The following ORC4 variants were observed in gnomAD, a reference collection of about 807,000 sequenced individuals.
ORC4 encodes the protein origin recognition complex, subunit 4 homolog.
A neutral mutation model predicts 63.9 loss-of-function variants in ORC4; 55 were observed. That is an observed-to-expected ratio of 0.86 (90% CI 0.69 to 1.08). The LOEUF (loss-of-function observed/expected upper bound fraction) is 1.08. Among genes scored for constraint, ORC4 ranks in the 50% least tolerant of loss-of-function variants. The pLI, the probability that ORC4 is intolerant of heterozygous loss-of-function variation, is 0.00. For synonymous variants in ORC4, 150 were observed against 168.5 expected (o/e 0.89, Z 0.85); for missense variants, 511 against 504.4 (o/e 1.01, Z -0.13).
chr2:148,021,159 CT>C, upstream of ORC4: 1 of 157,960 alleles, frequency 6.3e-6, no homozygotes, highest in Non-Finnish European at 1.4e-5. Context: ...GGGGGGGCAC[CT>C]TTTATTTCTA....
At chr2:147,990,783 C>CT (rs1691534121) in intron 1 of ORC4, among the ~76,000 whole-genome samples, 1 of 152,098 alleles carries the variant, frequency 6.6e-6, no homozygotes, top group South Asian at 2.1e-4. Flanking sequence ...GTTTGATAAC[C>CT]TTTAGTTAAG....
In ORC4 at chr2:147,988,611, G is replaced by C. The variant is rs549264431; in HGVS notation, c.-17-12636C>G. 7.6e-4 allele frequency among the ~76,000 whole-genome samples: 115 copies of C among 151,918 alleles called. 1 individual carries two copies. Among genetic ancestry groups the C allele is most frequent in the Non-Finnish European group, 1.3e-3 (85 of 67,914 alleles). Reference sequence around the variant, plus strand: ...TGACCTCAAGTGATCCACCCACCTTGGCCTCAGTTGGGATTACAGGCCTGA... The same window carrying C: ...TGACCTCAAGTGATCCACCCACCTTCGCCTCAGTTGGGATTACAGGCCTGA... On this transcript the variant is annotated intron_variant, in intron 1 of 13. Coordinates refer to ENST00000392857, the MANE Select transcript of ORC4 (RefSeq NM_181741.4).
intron 10 of ORC4, among the ~76,000 whole-genome samples, chr2:147,942,447 T>TCAA (rs1688416682): frequency 6.6e-6 from 1 of 152,016 alleles, no homozygotes; most frequent in Admixed American, 6.6e-5. Context: ...TAAGGCTGGT[T>TCAA]CAACACTCAA....
intron 1 of ORC4, among the ~76,000 whole-genome samples, chr2:147,980,941 T>C (rs1426086565): frequency 6.6e-6 from 1 of 152,202 alleles, no homozygotes; most frequent in Non-Finnish European, 1.5e-5. Context: ...CCAGCATTAT[T>C]CACAGCCAAA....
At chr2:147,977,436 G>A (rs1690626789) in intron 1 of ORC4, among the ~76,000 whole-genome samples, 1 of 152,136 alleles carries the variant, frequency 6.6e-6, no homozygotes, top group Admixed American at 6.5e-5. Flanking sequence ...GATGAAATAG[G>A]AGGCCCTTCA....
chr2:147,975,775 T>C, intron 2 of ORC4, 127 bp downstream of exon 2: 1 of 714,858 alleles, frequency 1.4e-6, no homozygotes, highest in Admixed American at 2.0e-5. Context: ...TACTGATATC[T>C]CCCTAAGGTT....
chr2:147,957,615 C>T (rs768477229), intron 6 of ORC4, among the ~76,000 whole-genome samples: 1 of 152,004 alleles, frequency 6.6e-6, no homozygotes, highest in Non-Finnish European at 1.5e-5. Flanking sequence ...TTGTTCACTG[C>T]CCTGAGACTA....
intron 1 of ORC4, among the ~76,000 whole-genome samples, chr2:148,006,684 T>C (rs1046105945): frequency 2.6e-5 from 4 of 152,222 alleles, no homozygotes; most frequent in Non-Finnish European, 4.4e-5. Context: ...AGGAAGGGAA[T>C]GGCTGCCATG....
intron 1 of ORC4, among the ~76,000 whole-genome samples, chr2:147,986,912 T>A (rs886331346): frequency 6.6e-6 from 1 of 151,512 alleles, no homozygotes; most frequent in African/African-American, 2.4e-5. Context: ...ACAGTGAAAA[T>A]AATCATTCAA....
intron 1 of ORC4, among the ~76,000 whole-genome samples, chr2:148,001,108 A>C (rs575291166): frequency 6.6e-6 from 1 of 152,240 alleles, no homozygotes; most frequent in East Asian, 1.9e-4. Flanking sequence ...CCTGGGATTA[A>C]GCAAATAAGG....
At chr2:147,944,838 G>A (rs1051025941) in intron 9 of ORC4, among the ~76,000 whole-genome samples, 6 of 151,886 alleles carry the variant, frequency 4.0e-5, no homozygotes, top group East Asian at 1.9e-4. Context: ...ATACTCTCAG[G>A]AAATATATTA....
At chr2:148,000,922 G>T (rs756230592) in intron 1 of ORC4, among the ~76,000 whole-genome samples, 13 of 152,030 alleles carry the variant, frequency 8.6e-5, no homozygotes, top group Non-Finnish European at 1.8e-4. Context: ...ATCACCTATA[G>T]TAAGTCAAGA....
At chr2:148,014,749 T>C (rs1693165070) in intron 1 of ORC4, among the ~76,000 whole-genome samples, 1 of 152,184 alleles carries the variant, frequency 6.6e-6, no homozygotes, top group South Asian at 2.1e-4. Context: ...TTACATAGCA[T>C]CTACATTGTA....
intron 6 of ORC4, among the ~76,000 whole-genome samples, chr2:147,956,763 T>C (rs920346200): frequency 2.0e-4 from 30 of 152,188 alleles, no homozygotes; most frequent in African/African-American, 7.0e-4. Context: ...AATCTCTATA[T>C]ATGATAATAA....
At chr2:147,959,705 A>C (rs1230337928) in intron 4 of ORC4, among the ~76,000 whole-genome samples, 3 of 152,190 alleles carry the variant, frequency 2.0e-5, no homozygotes, top group African/African-American at 7.2e-5. Context: ...TCATAACAAG[A>C]CAACAAAAAT....
rs772624418 is a variant in ORC4 at position 147,948,136 on chromosome 2, T to G, written c.677A>C (p.Tyr226Ser). The change falls in exon 9 of 14, where the codon TAT becomes TCT. Residue 226 changes from tyrosine (Y) to serine (S), a missense_variant. Transcript: ENST00000392857. ...TAACTGTTCTTTAAATATTTTAACA[T>G]ACTGTGGAAAACCAAATGAATTCAT... ...HLMNSFGFPQYVKIFKEQLSL... is the reference protein window; with the variant it reads ...HLMNSFGFPQSVKIFKEQLSL... 1 of 1,610,858 alleles carries G rather than the reference T, an allele frequency of 6.2e-7. No homozygotes were observed. The highest frequency in any genetic ancestry group is 1.1e-5 in the South Asian group (1 of 90,940).
At chr2:147,991,759 C>T (rs750631427) in intron 1 of ORC4, among the ~76,000 whole-genome samples, 50 of 152,128 alleles carry the variant, frequency 3.3e-4, no homozygotes, top group Non-Finnish European at 5.1e-4. Flanking sequence ...ACCGGGGAGG[C>T]GGAGGCTGCA....
chr2:147,990,768 C>T (rs1243050962), intron 1 of ORC4, among the ~76,000 whole-genome samples: 1 of 152,132 alleles, frequency 6.6e-6, no homozygotes, highest in Non-Finnish European at 1.5e-5. Context: ...TTAAATGATT[C>T]CAAGGTTTGA....
At position 147,943,508 on chromosome 2, in the gene ORC4, A is replaced by C; in HGVS notation, c.777T>G (p.Asp259Glu). 1 of 1,542,722 alleles carries C rather than the reference A, an allele frequency of 6.5e-7. No individual in the cohort carries two copies. Among genetic ancestry groups the C allele is most frequent in the Non-Finnish European group, 8.9e-7 (1 of 1,117,640 alleles). Residue 259 changes from aspartate to glutamate, a missense_variant, in exon 10 of 14, where the codon GAT becomes GAG. Transcript: ENST00000392857. Reference protein sequence around the residue: ...WNENVQYLSEDRSVQEVLQKH... With the variant: ...WNENVQYLSEERSVQEVLQKH... ...TCTGTAGTACTTCTTGCACACTTCTATCTTCTGAGAGATACTAAAAGGAAA... is the reference window on the plus strand; with the variant it reads ...TCTGTAGTACTTCTTGCACACTTCTCTCTTCTGAGAGATACTAAAAGGAAA...
Sources: allele counts gnomAD v4.1 joint callset (sites outside exome capture counted in the v4.1 genomes callset), GRCh38; gene constraint gnomAD v4.1.1; transcripts MANE v1.5; gene names NCBI Gene and HGNC (gene_info 2026-07-23, HGNC 2026-07-21).